Variants in FSTL4 observed in about 807,000 individuals in gnomAD.
FSTL4 encodes follistatin like 4.
FSTL4 carries 28 observed loss-of-function variants against 78.2 expected under a neutral mutation model. The ratio of observed to expected loss-of-function variants is 0.36; its 90% confidence interval spans 0.27 to 0.49. FSTL4 has a LOEUF of 0.49. FSTL4 is among the 20% of genes least tolerant of loss of function. FSTL4 has a pLI of 0.98. For synonymous variants in FSTL4, 422 were observed against 440.5 expected (o/e 0.96, Z 0.53); for missense variants, 922 against 1,084.9 (o/e 0.85, Z 2.11).
chr5:133,415,596 G>C (rs970922922), intron 3 of FSTL4, among the ~76,000 whole-genome samples: 2 of 152,092 alleles, frequency 1.3e-5, no homozygotes, highest in African/African-American at 4.8e-5. Flanking sequence ...AGAGCATGGT[G>C]GTGGCCAAGT....
chr5:133,551,770 T>G (rs1184069670), intron 3 of FSTL4, among the ~76,000 whole-genome samples: 1 of 152,242 alleles, frequency 6.6e-6, no homozygotes, highest in African/African-American at 2.4e-5. Flanking sequence ...GTCTACTGAG[T>G]ACTGTAAATG....
intron 8 of FSTL4, among the ~76,000 whole-genome samples, chr5:133,229,736 G>A (rs1317913416): frequency 1.3e-5 from 2 of 152,158 alleles, no homozygotes; most frequent in South Asian, 2.1e-4. Context: ...GTGTGGCACC[G>A]CCTTAATGAT....
chr5:133,292,119 C>T (rs1753277272), intron 6 of FSTL4, among the ~76,000 whole-genome samples: 1 of 152,152 alleles, frequency 6.6e-6, no homozygotes, highest in African/African-American at 2.4e-5. Flanking sequence ...AGGGCAGACC[C>T]TTGGGGTCGT....
the FSTL4 span, among the ~76,000 whole-genome samples, chr5:133,782,298 G>A: frequency 6.6e-6 from 1 of 152,210 alleles, no homozygotes; most frequent in Non-Finnish European, 1.5e-5. Flanking sequence ...AATATGTACT[G>A]GGCCACTACA....
intron 3 of FSTL4, among the ~76,000 whole-genome samples, chr5:133,479,256 G>A (rs559105112): frequency 6.6e-6 from 1 of 152,314 alleles, no homozygotes; most frequent in South Asian, 2.1e-4. Flanking sequence ...CCAGGGCTGA[G>A]CCCAGTGCTG....
the FSTL4 span, among the ~76,000 whole-genome samples, chr5:133,788,220 A>C: frequency 6.6e-6 from 1 of 152,260 alleles, no homozygotes; most frequent in African/African-American, 2.4e-5. Context: ...GGAGAGTCCA[A>C]GCCTGGGAAG....
chr5:133,312,889 A>G, intron 5 of FSTL4, 112 bp from the exon 6 acceptor site: 1 of 911,700 alleles, frequency 1.1e-6, no homozygotes, highest in Non-Finnish European at 1.7e-6. Flanking sequence ...GTGGGCCTTG[A>G]GGGGTACCTG....
chr5:133,525,418 G>C (rs1275907500), intron 3 of FSTL4, among the ~76,000 whole-genome samples: 1 of 152,188 alleles, frequency 6.6e-6, no homozygotes, highest in Non-Finnish European at 1.5e-5. Flanking sequence ...GGGAGAATTA[G>C]AGCAAGCTAA....
intron 3 of FSTL4, among the ~76,000 whole-genome samples, chr5:133,402,839 T>C (rs979045959): frequency 2.6e-5 from 4 of 152,154 alleles, no homozygotes; most frequent in Non-Finnish European, 4.4e-5. Flanking sequence ...GAATCTCTTT[T>C]ATCCACTTTG....
intron 3 of FSTL4, among the ~76,000 whole-genome samples, chr5:133,460,389 C>A (rs929859951): frequency 6.6e-6 from 1 of 152,174 alleles, no homozygotes; most frequent in African/African-American, 2.4e-5. Context: ...ATTTTGGGGT[C>A]CCCGCTCCTC....
chr5:133,503,814 A>T (rs1370178369), intron 3 of FSTL4, among the ~76,000 whole-genome samples: 1 of 152,224 alleles, frequency 6.6e-6, no homozygotes, highest in Non-Finnish European at 1.5e-5. Context: ...TCATTGTATT[A>T]GTCCATTCTC....
chr5:133,769,117 G>A, the FSTL4 span, among the ~76,000 whole-genome samples: 1 of 152,330 alleles, frequency 6.6e-6, no homozygotes, highest in East Asian at 1.9e-4. Context: ...AGAACCACAT[G>A]TACCTAAATC....
the FSTL4 span, among the ~76,000 whole-genome samples, chr5:133,726,731 G>A: frequency 1.3e-5 from 2 of 152,248 alleles, no homozygotes; most frequent in Admixed American, 6.5e-5. Flanking sequence ...GCTGAATAAT[G>A]CACCTTCAGC....
chr5:133,511,450 C>T (rs768215013), intron 3 of FSTL4, among the ~76,000 whole-genome samples: 8 of 152,180 alleles, frequency 5.3e-5, no homozygotes, highest in Middle Eastern at 3.4e-3. Flanking sequence ...CTGTCTTGAC[C>T]GCAGACCCAA....
intron 7 of FSTL4, among the ~76,000 whole-genome samples, chr5:133,240,273 G>A (rs1438640721): frequency 6.6e-6 from 1 of 152,200 alleles, no homozygotes; most frequent in Non-Finnish European, 1.5e-5. Flanking sequence ...AAGTCAGTGA[G>A]ACCAAGAACC....
intron 5 of FSTL4, 30 bp downstream of exon 5, chr5:133,316,429 C>G (rs1178608591): frequency 1.3e-6 from 2 of 1,579,816 alleles, no homozygotes; most frequent in Non-Finnish European, 8.7e-7. Flanking sequence ...ATTCCTCCAT[C>G]ATGTGACTTT....
At chr5:133,372,802 A>T (rs1457054829) in intron 4 of FSTL4, among the ~76,000 whole-genome samples, 1 of 152,100 alleles carries the variant, frequency 6.6e-6, no homozygotes, top group Non-Finnish European at 1.5e-5. Context: ...AGCGGGGAGG[A>T]ACTGAAATTT....
intron 14 of FSTL4, among the ~76,000 whole-genome samples, chr5:133,207,497 T>C (rs1750556727): frequency 6.6e-6 from 1 of 152,242 alleles, no homozygotes; most frequent in Admixed American, 6.5e-5. Context: ...CTGCTTTTAA[T>C]TGGGGAATTC....
At chr5:133,519,873 G>A (rs1758939233) in intron 3 of FSTL4, among the ~76,000 whole-genome samples, 2 of 152,182 alleles carry the variant, frequency 1.3e-5, no homozygotes, top group Non-Finnish European at 2.9e-5. Flanking sequence ...ACTTAGGCAG[G>A]AGATGTAGGT....
Sources: allele counts gnomAD v4.1 joint callset (sites outside exome capture counted in the v4.1 genomes callset), GRCh38; gene constraint gnomAD v4.1.1; transcripts MANE v1.5; gene names NCBI Gene and HGNC (gene_info 2026-07-23, HGNC 2026-07-21).